The following RABL6 variants were observed in gnomAD, a reference collection of about 807,000 sequenced individuals.
RABL6 encodes the protein rab-like protein 6.
RABL6 carries 28 observed loss-of-function variants against 72.9 expected under a neutral mutation model. The observed-to-expected ratio is 0.38, with a 90% CI of 0.28 to 0.53. The LOEUF is 0.53. Ranked by LOEUF, RABL6 falls within the 20% of genes least tolerant of loss-of-function variation. The pLI is 0.80. For synonymous variants in RABL6, 477 were observed against 421.2 expected (o/e 1.13, Z -1.62); for missense variants, 1,029 against 1,008.4 (o/e 1.02, Z -0.28).
rs1269051807 is a variant in RABL6 at position 136,840,681 on chromosome 9, C to T, written c.*159C>T. ...GCATTGGTGGTCCCCAGGCTGGGCC[C>T]TGCAGGTGCTGGGCCTTCAGGCCCA... On this transcript the variant is annotated 3_prime_UTR_variant, in exon 15 of 15. Transcript: ENST00000311502. 3 of 1,549,220 alleles carry T rather than the reference C, an allele frequency of 1.9e-6. No individual in the cohort carries two copies. The highest frequency in any genetic ancestry group is 2.4e-5 in the East Asian group (1 of 40,886).
intron 1 of RABL6, among the ~76,000 whole-genome samples, chr9:136,817,574 T>TGGGGAGGCTGACGTGGGCTGA: frequency 9.6e-6 from 1 of 104,674 alleles, no homozygotes; most frequent in Admixed American, 9.2e-5. Context: ...ACGTGGGCTG[T>TGGGGAGGCTGACGTGGGCTGA]GGGGAGGCCG....
intron 4 of RABL6, 23 bp downstream of exon 4, chr9:136,828,569 G>T: frequency 6.2e-7 from 1 of 1,611,814 alleles, no homozygotes; most frequent in Non-Finnish European, 8.5e-7. Context: ...TACACAGTGG[G>T]TAGCAGTGGC....
In RABL6 at chr9:136,840,990, C is replaced by G; in HGVS notation, c.*468C>G. 5 of 1,445,846 alleles carry G rather than the reference C, an allele frequency of 3.5e-6. No homozygotes were observed. The highest frequency in any genetic ancestry group is 4.6e-6 in the Non-Finnish European group (5 of 1,096,330). The allele number at this position is 1,445,846 out of a possible 1,614,324, so 89.6% of individuals were successfully genotyped here. A position where few individuals can be genotyped will look rare whatever the true frequency, so the allele number is the denominator to read the frequency against. Reference sequence around the variant, plus strand: ...CTGAACACGGGTGTGCAGACTCACCCTAAAGGGCGGCCCAGGCCCCACGCT... The same window carrying G: ...CTGAACACGGGTGTGCAGACTCACCGTAAAGGGCGGCCCAGGCCCCACGCT... On this transcript the variant is annotated 3_prime_UTR_variant, in exon 15 of 15. Transcript: ENST00000311502.
At chr9:136,808,387 G>A (rs1391631418) in intron 1 of RABL6, 61 bp downstream of exon 1, 4 of 1,389,002 alleles carry the variant, frequency 2.9e-6, no homozygotes, top group East Asian at 3.1e-5. Flanking sequence ...CCCAGGCCCC[G>A]GGCGCCGCGC....
intron 7 of RABL6, chr9:136,832,577 C>T (rs1056179916): frequency 4.7e-6 from 3 of 638,966 alleles, no homozygotes; most frequent in Non-Finnish European, 8.6e-6. Context: ...AGACCCAGTC[C>T]CAGGAGCCCC....
intron 4 of RABL6, among the ~76,000 whole-genome samples, 194 bp from the exon 5 acceptor site, chr9:136,829,199 G>A (rs187419820): frequency 3.3e-5 from 5 of 152,380 alleles, no homozygotes; most frequent in Admixed American, 3.3e-4. Context: ...CCATCAGCGA[G>A]GCTGGTGTTG....
chr9:136,834,283 T>G, intron 7 of RABL6: 1 of 1,063,428 alleles, frequency 9.4e-7, no homozygotes, highest in Non-Finnish European at 1.1e-6. Context: ...CACAGAAGGT[T>G]TTTCTTGGAG....
In RABL6 at chr9:136,840,382, G is replaced by C. The variant is rs1177976487; in HGVS notation, c.2050G>C (p.Gly684Arg). Residue 684 changes from glycine to arginine, a missense_variant, in exon 15 of 15, where the codon GGC becomes CGC. Transcript: ENST00000311502. ...KHKKSKDKEE[G>R]KEERRRRQQR... ...CAAGAAGAGCAAGGACAAGGAGGAG[G>C]GCAAGGAGGAGCGGCGACGGCGGCA... is the stretch of plus-strand genomic sequence containing the variant. The C allele has an allele frequency of 6.4e-7, 1 of 1,554,332 alleles. No homozygotes were observed. Among genetic ancestry groups the C allele is most frequent in the East Asian group, 2.4e-5 (1 of 40,986 alleles).
intron 1 of RABL6, chr9:136,821,849 G>C: frequency 8.2e-7 from 1 of 1,216,392 alleles, no homozygotes; most frequent in African/African-American, 1.6e-5. Flanking sequence ...GGCTCGGCCG[G>C]GAGAAGCGCG....
chr9:136,828,896 C>T (rs1019902366), intron 4 of RABL6, among the ~76,000 whole-genome samples: 4 of 152,326 alleles, frequency 2.6e-5, no homozygotes, highest in South Asian at 2.1e-4. Flanking sequence ...GTTTCGCTCA[C>T]CGGAGCCACC....
In RABL6 at chr9:136,821,559, G is replaced by C. The variant is rs11145897; in HGVS notation, c.131-1966G>C. 8,699 of 985,264 alleles carry C rather than the reference G, an allele frequency of 8.8e-3. 690 individuals carry two copies. In the East Asian group the frequency reaches 0.36, roughly 41 times the overall value. The allele number at this position is 985,264 out of a possible 1,614,324, so 61.0% of individuals were successfully genotyped here. A position where few individuals can be genotyped will look rare whatever the true frequency, so the allele number is the denominator to read the frequency against. ...TGCGAGCCCGGGCTGCTGCTCATCT[G>C]GGGGGGACGGCGGCCGCCCGACTGA... On this transcript the variant is annotated intron_variant, in intron 1 of 14. Coordinates refer to ENST00000311502, the MANE Select transcript of RABL6 (RefSeq NM_024718.5).
chr9:136,811,635 C>A (rs2811722), intron 1 of RABL6, among the ~76,000 whole-genome samples: 114,179 of 143,900 alleles, frequency 0.79, 44,325 homozygotes, highest in East Asian at 0.86. Context: ...AAAAAAAAAA[C>A]AATTGCACCA....
chr9:136,813,143 TGACA>T (rs1848049264), intron 1 of RABL6: 1 of 446,536 alleles, frequency 2.2e-6, no homozygotes, highest in African/African-American at 2.0e-5. Flanking sequence ...GACAGGCCTT[TGACA>T]GACAGTTTTA....
At chr9:136,829,518 ACT>A (rs1364743376) in intron 5 of RABL6, 34 bp downstream of exon 5, 2 of 1,537,124 alleles carry the variant, frequency 1.3e-6, no homozygotes, top group Non-Finnish European at 1.8e-6. Context: ...GCTGCCTGTG[ACT>A]CTCACCCCCC....
In RABL6 at chr9:136,826,069, G is replaced by A. The variant is rs1040969025; in HGVS notation, c.313+243G>A. Among the ~76,000 whole-genome samples, 3 of 152,214 alleles carry A rather than the reference G, an allele frequency of 2.0e-5. No homozygotes were observed. Among genetic ancestry groups the A allele is most frequent in the African/African-American group, 7.2e-5 (3 of 41,444 alleles). Reference sequence around the variant, plus strand: ...CCCGTCTCTGAGTGACCGCGTGCACGGTGGCGGCAGGTGCAGCCGGGGGGT... The same window carrying A: ...CCCGTCTCTGAGTGACCGCGTGCACAGTGGCGGCAGGTGCAGCCGGGGGGT... On this transcript the variant is annotated intron_variant, in intron 3 of 14. Transcript: ENST00000311502. This position sits in a 1 kb window ranked among gnomAD's most constrained non-coding sequence, Gnocchi z 4.9.
chr9:136,823,977 C>T (rs1468047886), intron 2 of RABL6, among the ~76,000 whole-genome samples: 1 of 152,136 alleles, frequency 6.6e-6, no homozygotes, highest in Non-Finnish European at 1.5e-5. Flanking sequence ...TTGCCTGCAC[C>T]CTCTTGGTGC....
Position 136,826,188 on chromosome 9 carries a change from A to G in RABL6, c.313+362A>G, listed in dbSNP as rs1312339920. Among the ~76,000 whole-genome samples the G allele has an allele frequency of 6.6e-6, 1 of 152,106 alleles. No homozygotes were observed. The highest frequency in any genetic ancestry group is 2.4e-5 in the African/African-American group (1 of 41,428). On this transcript the variant is annotated intron_variant, in intron 3 of 14. Transcript: ENST00000311502. The surrounding 1 kb of genome is among the most constrained non-coding windows in gnomAD (Gnocchi z 4.9). Reference sequence around the variant, plus strand: ...CCCAGCACCAGGCGGCCCCCTGCCCATAGCTGAGGACCCAGCTCCTGCGCT... The same window carrying G: ...CCCAGCACCAGGCGGCCCCCTGCCCGTAGCTGAGGACCCAGCTCCTGCGCT...
chr9:136,818,390 AAAAAAAAAAAAAAACCAAAG>A (rs1848168144), intron 1 of RABL6, among the ~76,000 whole-genome samples: 2 of 73,472 alleles, frequency 2.7e-5, no homozygotes, highest in South Asian at 4.7e-4. Flanking sequence ...AAAAAAAAAA[AAAAAAAAAAAAAAACCAAAG>A]GTAAGCAAAG....
chr9:136,837,750 T>G (rs1008682846), intron 9 of RABL6, 88 bp downstream of exon 9: 2 of 1,543,756 alleles, frequency 1.3e-6, no homozygotes, highest in African/African-American at 1.4e-5. Context: ...GCTCCACGCT[T>G]CTTCCTGCTT....
Sources: gnomAD v4.1 joint callset for allele counts (sites outside exome capture counted in the v4.1 genomes callset) on GRCh38, gnomAD v4.1.1 for gene constraint, Gnocchi (gnomAD v3.1) non-coding constraint, MANE v1.5 for transcripts, NCBI Gene and HGNC (gene_info 2026-07-23, HGNC 2026-07-21) for gene names.